MACROD2: variants seen among roughly 807,000 people sequenced by gnomAD.
The protein encoded by MACROD2 is mono-ADP ribosylhydrolase 2.
A neutral mutation model predicts 70.4 loss-of-function variants in MACROD2; 36 were observed. The ratio of observed to expected loss-of-function variants is 0.51; its 90% confidence interval spans 0.39 to 0.68. The LOEUF is 0.68. MACROD2 is among the 30% of genes least tolerant of loss of function. The probability of loss-of-function intolerance (pLI) is 0.00; values close to 1 mark genes in which losing one functional copy is unlikely to be tolerated. For synonymous variants in MACROD2, 172 were observed against 178.8 expected (o/e 0.96, Z 0.30); for missense variants, 496 against 538.4 (o/e 0.92, Z 0.78).
intron 3 of MACROD2, among the ~76,000 whole-genome samples, chr20:14,490,887 A>G (rs2084785975): frequency 6.6e-6 from 1 of 152,178 alleles, no homozygotes; most frequent in Admixed American, 6.5e-5. Context: ...TCTTGTATTA[A>G]TGAAGAAATT....
At chr20:14,017,800 G>T (rs1342284747) in intron 2 of MACROD2, among the ~76,000 whole-genome samples, 1 of 152,050 alleles carries the variant, frequency 6.6e-6, no homozygotes, top group Non-Finnish European at 1.5e-5. Context: ...GGTAATGCTG[G>T]CTATAAGGAT....
chr20:14,645,518 T>C (rs186843511), intron 4 of MACROD2, among the ~76,000 whole-genome samples: 137 of 152,196 alleles, frequency 9.0e-4, no homozygotes, highest in Middle Eastern at 3.4e-3. Flanking sequence ...TGTGGTGTGC[T>C]TAATTTATAA....
At chr20:15,903,690 C>T (rs1487983078) in intron 10 of MACROD2, among the ~76,000 whole-genome samples, 1 of 152,180 alleles carries the variant, frequency 6.6e-6, no homozygotes, top group African/African-American at 2.4e-5. Flanking sequence ...ACTGTAAGAA[C>T]TTTGACTGCT....
chr20:14,247,690 A>G (rs137940422), intron 3 of MACROD2, among the ~76,000 whole-genome samples: 4 of 152,136 alleles, frequency 2.6e-5, no homozygotes, highest in African/African-American at 9.6e-5. Context: ...TATAAGTGAC[A>G]TGGTGAAAAT....
intron 3 of MACROD2, among the ~76,000 whole-genome samples, chr20:14,093,784 G>T (rs546233594): frequency 1.4e-3 from 208 of 152,208 alleles, no homozygotes; most frequent in Middle Eastern, 6.8e-3. Flanking sequence ...GTAAACAGTT[G>T]CTGTACAGCA....
chr20:15,461,612 C>A, intron 7 of MACROD2, among the ~76,000 whole-genome samples: 1 of 152,262 alleles, frequency 6.6e-6, no homozygotes, highest in South Asian at 2.1e-4. Flanking sequence ...ATAATACCTA[C>A]TTTATACAAA....
intron 5 of MACROD2, among the ~76,000 whole-genome samples, chr20:15,149,927 C>T (rs936141298): frequency 1.3e-5 from 2 of 151,978 alleles, no homozygotes; most frequent in Non-Finnish European, 2.9e-5. Flanking sequence ...GATTTAGGAT[C>T]TATGGGGTCA....
intron 5 of MACROD2, among the ~76,000 whole-genome samples, chr20:14,977,731 A>C (rs1477431856): frequency 6.6e-6 from 1 of 152,158 alleles, no homozygotes; most frequent in Non-Finnish European, 1.5e-5. Flanking sequence ...GGCAGCAGTG[A>C]GGATCATAGT....
intron 6 of MACROD2, among the ~76,000 whole-genome samples, chr20:15,421,033 CT>C (rs1383796628): frequency 6.6e-6 from 1 of 152,122 alleles, no homozygotes; most frequent in Non-Finnish European, 1.5e-5. Flanking sequence ...CCAAAGTGAG[CT>C]GTGATAGTAC....
At chr20:14,255,159 C>T (rs1276895344) in intron 3 of MACROD2, among the ~76,000 whole-genome samples, 15 of 152,072 alleles carry the variant, frequency 9.9e-5, no homozygotes, top group South Asian at 2.1e-4. Flanking sequence ...TTCTCTCTGG[C>T]TGCCCTTAAC....
At chr20:14,382,203 A>G (rs1253327735) in intron 3 of MACROD2, among the ~76,000 whole-genome samples, 5 of 151,758 alleles carry the variant, frequency 3.3e-5, no homozygotes, top group Non-Finnish European at 7.4e-5. Flanking sequence ...CTGGGACTGC[A>G]GGCATCCCTG....
At chr20:15,241,810 T>G (rs1052515266) in intron 6 of MACROD2, among the ~76,000 whole-genome samples, 8 of 151,700 alleles carry the variant, frequency 5.3e-5, no homozygotes, top group African/African-American at 1.9e-4. Context: ...GCTAAATACT[T>G]TAAATTCCTT....
intron 15 of MACROD2, among the ~76,000 whole-genome samples, chr20:16,039,133 T>A (rs2067274143): frequency 6.6e-6 from 1 of 151,998 alleles, no homozygotes; most frequent in South Asian, 2.1e-4. Context: ...ATTTTGCATT[T>A]CCTCAGGTTT....
chr20:14,435,671 A>T (rs2084048130), intron 3 of MACROD2, among the ~76,000 whole-genome samples: 1 of 151,998 alleles, frequency 6.6e-6, no homozygotes, highest in South Asian at 2.1e-4. Flanking sequence ...TTCTTATATT[A>T]CTTAAAGTAC....
intron 8 of MACROD2, among the ~76,000 whole-genome samples, chr20:15,519,882 C>T (rs1371251044): frequency 6.6e-6 from 1 of 152,130 alleles, no homozygotes; most frequent in African/African-American, 2.4e-5. Context: ...GTTGCTCTCC[C>T]CAACAGTTCC....
chr20:15,120,991 C>T (rs897985291), intron 5 of MACROD2, among the ~76,000 whole-genome samples: 1 of 152,096 alleles, frequency 6.6e-6, no homozygotes, highest in African/African-American at 2.4e-5. Context: ...GATATTGATT[C>T]TTTTGGTCTT....
chr20:16,001,524 A>G (rs2066709140), intron 15 of MACROD2, among the ~76,000 whole-genome samples: 1 of 152,206 alleles, frequency 6.6e-6, no homozygotes, highest in South Asian at 2.1e-4. Context: ...CATTGTTTGA[A>G]TTTACATTTT....
At chr20:15,831,115 A>G (rs1454278705) in intron 8 of MACROD2, among the ~76,000 whole-genome samples, 1 of 152,212 alleles carries the variant, frequency 6.6e-6, no homozygotes, top group Non-Finnish European at 1.5e-5. Context: ...CTTTTAAAAC[A>G]TAATAATAAC....
chr20:14,843,387 A>G (rs2073107229), intron 5 of MACROD2, among the ~76,000 whole-genome samples: 1 of 151,888 alleles, frequency 6.6e-6, no homozygotes, highest in South Asian at 2.1e-4. Context: ...CATATAATTG[A>G]TGAATAAAAA....
Sources: gnomAD v4.1 joint callset for allele counts (sites outside exome capture counted in the v4.1 genomes callset) on GRCh38, gnomAD v4.1.1 for gene constraint, MANE v1.5 for transcripts, NCBI Gene and HGNC (gene_info 2026-07-23, HGNC 2026-07-21) for gene names.